Variants in APBB1 observed in about 807,000 individuals in gnomAD.
The protein encoded by APBB1 is amyloid beta precursor protein binding family B member 1, also known as adaptor protein FE65a2.
In APBB1, 22 loss-of-function variants were observed where a neutral mutation model predicts 78.4. The ratio of observed to expected loss-of-function variants is 0.28; its 90% CI spans 0.20 to 0.40. APBB1 has a LOEUF of 0.40. APBB1 is among the 10% of genes least tolerant of loss of function. APBB1 has a pLI of 1.00. For synonymous variants in APBB1, 369 were observed against 372.7 expected (o/e 0.99, Z 0.12); for missense variants, 749 against 932.4 (o/e 0.80, Z 2.56).
At position 6,401,917 on chromosome 11, in the gene APBB1, G is replaced by C. The variant is rs371178760; in HGVS notation, c.1388+60C>G. On this transcript the variant is annotated intron_variant, in intron 9 of 14. Transcript: ENST00000609360. The surrounding 1 kb of genome is among the most constrained non-coding windows in gnomAD (Gnocchi z 4.5). Reference sequence around the variant, plus strand: ...TGGGAAGGGGCAGGGCAGAAGAGGGGAGCTTGGGTGCTTCCAGGCATCTGG... The same window carrying C: ...TGGGAAGGGGCAGGGCAGAAGAGGGCAGCTTGGGTGCTTCCAGGCATCTGG... The C allele has an allele frequency of 4.8e-5, 75 of 1,551,238 alleles. No homozygotes were observed. The African/African-American group carries it at 8.5e-4, about 18-fold the overall frequency.
In APBB1 at chr11:6,401,122, G is replaced by A. The variant is rs201693590; in HGVS notation, c.1589-50C>T. 1.9e-5 allele frequency: 31 copies of A among 1,614,034 alleles called. No individual in the cohort carries two copies. The East Asian group carries it at 2.9e-4, about 15-fold the overall frequency. ...TCATGGTGGCAGACCTTGCTCACCC[G>A]CAGCCCCACCAGCAGGGCATAAGCT... On this transcript the variant is annotated intron_variant, in intron 11 of 14. Transcript: ENST00000609360. The surrounding 1 kb of genome is among the most constrained non-coding windows in gnomAD (Gnocchi z 4.5).
intron 2 of APBB1, chr11:6,404,637 C>T (rs554952071): frequency 1.5e-5 from 23 of 1,536,276 alleles, no homozygotes; most frequent in Admixed American, 1.2e-4. Context: ...CCTTGTCTGC[C>T]GGCAGAGCCA....
chr11:6,400,305 C>T (rs1439039503), intron 12 of APBB1, among the ~76,000 whole-genome samples: 1 of 152,182 alleles, frequency 6.6e-6, no homozygotes, highest in Non-Finnish European at 1.5e-5. Flanking sequence ...CTCTCAGAGG[C>T]CGAGGCAGGT....
At chr11:6,397,807 T>G (rs1302310727) in intron 12 of APBB1, among the ~76,000 whole-genome samples, 1 of 152,242 alleles carries the variant, frequency 6.6e-6, no homozygotes, top group African/African-American at 2.4e-5. Flanking sequence ...AGGGCTTATC[T>G]GCTGAAGAAA....
chr11:6,396,356 T>C (rs776174114), intron 12 of APBB1, 141 bp from the exon 13 acceptor site: 3 of 654,220 alleles, frequency 4.6e-6, no homozygotes, highest in Non-Finnish European at 7.7e-6. Context: ...GACAACGCTG[T>C]CCAAGTATCC....
intron 7 of APBB1, 75 bp downstream of exon 7, chr11:6,402,501 G>T: frequency 6.6e-7 from 1 of 1,504,500 alleles, no homozygotes; most frequent in Non-Finnish European, 9.2e-7. Flanking sequence ...TTGTGGGCAG[G>T]TCAGACCTCC....
In APBB1 at chr11:6,418,976, ACCT is replaced by A. The variant is rs1849191039; in HGVS notation, c.-15+6_-15+8del. On this transcript the variant is annotated splice_donor_region_variant and intron_variant, in intron 1 of 14. Transcript: ENST00000609360. The stretch of plus-strand genomic sequence containing the variant: ...ACCGGGGCTGGGCCGGGGCAGGGAC[ACCT>A]CCTACCTGCGCGGTGAGGCCCCGGG... The A allele has an allele frequency of 1.0e-5, 4 of 391,702 alleles. No individual in the cohort carries two copies. In the East Asian group the frequency reaches 1.4e-4, roughly 14 times the overall value. The allele number at this position is 391,702 out of a possible 1,614,324, so 24.3% of individuals were successfully genotyped here.
chr11:6,405,117 A>G, intron 2 of APBB1: 1 of 1,306,192 alleles, frequency 7.7e-7, no homozygotes, highest in Admixed American at 3.5e-5. Context: ...TCTCCATCCC[A>G]CCCTCCAGTG....
At chr11:6,404,046 T>C (rs1848674400) in intron 2 of APBB1, 1 of 453,218 alleles carries the variant, frequency 2.2e-6, no homozygotes. Context: ...TGTTGGTGGC[T>C]AATGTGGCCA....
At chr11:6,409,014 G>T (rs1210450345) in intron 2 of APBB1, among the ~76,000 whole-genome samples, 2 of 151,904 alleles carry the variant, frequency 1.3e-5, no homozygotes, top group Non-Finnish European at 2.9e-5. Flanking sequence ...GTACAATAAT[G>T]ATATTGTGGT....
chr11:6,407,400 C>A lies in APBB1; in HGVS notation c.721+3227G>T, dbSNP rs545981776. Among the ~76,000 whole-genome samples the A allele has an allele frequency of 3.9e-5, 6 of 152,324 alleles. No individual in the cohort carries two copies. The East Asian group carries it at 1.2e-3, about 29-fold the overall frequency. Reference sequence around the variant, plus strand: ...GAGTTGCAGCCCCCACAGTGACCATCCCAGGGGCAAGTGAGCAACTAGGCC... The same window carrying A: ...GAGTTGCAGCCCCCACAGTGACCATACCAGGGGCAAGTGAGCAACTAGGCC... On this transcript the variant is annotated intron_variant, in intron 2 of 14. Coordinates refer to ENST00000609360, the MANE Select transcript of APBB1 (RefSeq NM_001164.5).
At chr11:6,396,045 C>A in intron 13 of APBB1, 55 bp downstream of exon 13, 3 of 1,599,266 alleles carry the variant, frequency 1.9e-6, no homozygotes, top group Non-Finnish European at 2.6e-6. Context: ...TCCCCTCACC[C>A]CCAGTCTCCC....
intron 1 of APBB1, among the ~76,000 whole-genome samples, chr11:6,415,251 G>T (rs1424308005): frequency 6.6e-6 from 1 of 152,244 alleles, no homozygotes; most frequent in African/African-American, 2.4e-5. Context: ...GGAAGTGAAA[G>T]AAGTAGTCAC....
rs377574256 is a variant in APBB1 at position 6,403,346 on chromosome 11, G to T, written c.1013C>A (p.Thr338Lys). The T allele has an allele frequency of 3.7e-6, 6 of 1,614,096 alleles. No individual in the cohort carries two copies. The highest frequency in any genetic ancestry group is 5.1e-6 in the Non-Finnish European group (6 of 1,179,996). Reference sequence around the variant, plus strand: ...GAGGCTCTGAGCTGGGAAGGTCAACGTCCCCTCCTCAGGTTCCTTCAGTCC... The same window carrying T: ...GAGGCTCTGAGCTGGGAAGGTCAACTTCCCCTCCTCAGGTTCCTTCAGTCC... ...ELGLKEPEEG[T>K]LTFPAQSLSP... Residue 338 changes from threonine to lysine, a missense_variant, in exon 5 of 15, where the codon ACG (threonine) becomes AAG (lysine). This residue lies in a region of APBB1 where 635 missense variants were observed against 765.0 expected (regional missense o/e 0.83). Transcript: ENST00000609360. The surrounding 1 kb of genome is among the most constrained non-coding windows in gnomAD (Gnocchi z 5.3).
rs1209415091 is a variant in APBB1 at position 6,395,551 on chromosome 11, C to T, written c.2116G>A (p.Gly706Arg). ...GGGCTTCTTCATGGGGTATGGGCCC[C>T]CAGCCGTTTGGGCTTCAGGGAGCCC... The part of the protein sequence containing the change: ...LWGSLKPKRL[G>R]AHTP Residue 706 changes from glycine to arginine, a missense_variant, in exon 15 of 15, where the codon GGG becomes AGG. This residue lies in a region of APBB1 where 96 missense variants were observed against 116.0 expected (regional missense o/e 0.83). Transcript: ENST00000609360. This position sits in a 1 kb window ranked among gnomAD's most constrained non-coding sequence, Gnocchi z 5.2. 6.4e-7 allele frequency: 1 copy of T among 1,568,244 alleles called. No individual in the cohort carries two copies. Among genetic ancestry groups the T allele is most frequent in the East Asian group, 2.3e-5 (1 of 44,300 alleles).
intron 2 of APBB1, among the ~76,000 whole-genome samples, chr11:6,406,554 G>A (rs1246222122): frequency 1.3e-5 from 2 of 152,036 alleles, no homozygotes; most frequent in Non-Finnish European, 2.9e-5. Flanking sequence ...TAATTGTTTT[G>A]TCACTGCCCT....
chr11:6,410,367 A>C (rs1848925966), intron 2 of APBB1, among the ~76,000 whole-genome samples: 1 of 152,230 alleles, frequency 6.6e-6, no homozygotes, highest in South Asian at 2.1e-4. Flanking sequence ...CCAGTTACCT[A>C]GTCAGTGCCC....
intron 2 of APBB1, among the ~76,000 whole-genome samples, chr11:6,406,292 G>T (rs1234124652): frequency 1.3e-5 from 2 of 152,044 alleles, no homozygotes; most frequent in South Asian, 4.1e-4. Context: ...AAATGCCTTA[G>T]TGGTGAAGCC....
Position 6,403,403 on chromosome 11 carries a change from T to C in APBB1, c.956A>G (p.Asp319Gly), listed in dbSNP as rs139279981. The C allele has an allele frequency of 2.2e-5, 36 of 1,614,180 alleles. No individual in the cohort carries two copies. The African/African-American group carries it at 3.6e-4, about 16-fold the overall frequency. Reference protein sequence around the residue: ...EGFEDGEFWKDEPSDEAPMEL... With the variant: ...EGFEDGEFWKGEPSDEAPMEL... ...CATTGGGGCCTCATCACTGGGTTCA[T>C]CCTTGGGAAGGGGATTGAGGAATCA... is the stretch of plus-strand genomic sequence containing the variant. Residue 319 changes from aspartate (D) to glycine (G), a missense_variant and splice_region_variant, in exon 5 of 15, where the codon GAT becomes GGT. Asp to Gly is a moderately conservative substitution (Grantham distance 94). This residue lies in a region of APBB1 where 635 missense variants were observed against 765.0 expected (regional missense o/e 0.83). Coordinates refer to ENST00000609360, the MANE Select transcript of APBB1 (RefSeq NM_001164.5). The surrounding 1 kb of genome is among the most constrained non-coding windows in gnomAD (Gnocchi z 5.3).
Sources: gnomAD v4.1 joint callset for allele counts (sites outside exome capture counted in the v4.1 genomes callset) on GRCh38, gnomAD v4.1.1 for gene constraint, gnomAD v4.1.1 regional missense constraint, Gnocchi (gnomAD v3.1) non-coding constraint, MANE v1.5 for transcripts, NCBI Gene and HGNC (gene_info 2026-07-23, HGNC 2026-07-21) for gene names.